Variants in CCDC90B observed in about 807,000 individuals in gnomAD.
CCDC90B encodes the protein coiled-coil domain containing 90B.
In CCDC90B, 24 loss-of-function variants were observed where a neutral mutation model predicts 37.0. The observed-to-expected ratio is 0.65, with a 90% CI of 0.47 to 0.91. The LOEUF (loss-of-function observed/expected upper bound fraction) is 0.91. CCDC90B is among the 40% of genes least tolerant of loss of function. CCDC90B has a pLI of 0.00. For missense variants in CCDC90B, 319 were observed against 299.0 expected, an observed-to-expected ratio of 1.07 and a Z score of -0.49; for synonymous variants, 113 against 101.1, an observed-to-expected ratio of 1.12 and a Z score of -0.71.
intron 7 of CCDC90B, among the ~76,000 whole-genome samples, chr11:83,269,425 G>T (rs976961005): frequency 4.6e-5 from 7 of 151,864 alleles, no homozygotes; most frequent in Non-Finnish European, 1.5e-5. Context: ...GACTAATAAA[G>T]AAGAAAAGAG....
intron 7 of CCDC90B, among the ~76,000 whole-genome samples, chr11:83,272,345 C>T (rs960437955): frequency 5.9e-5 from 9 of 152,088 alleles, no homozygotes; most frequent in Non-Finnish European, 1.3e-4. Flanking sequence ...ACATACTGGG[C>T]ATATTCTAAA....
intron 8 of CCDC90B, 35 bp downstream of exon 8, chr11:83,265,830 T>TA (rs1555004219): frequency 1.2e-5 from 16 of 1,351,238 alleles, no homozygotes; most frequent in Non-Finnish European, 1.6e-5. Context: ...ACAGGAAAAT[T>TA]AGATGACAGC....
chr11:83,273,744 A>C, intron 6 of CCDC90B, 44 bp from the exon 7 acceptor site: 1 of 1,601,336 alleles, frequency 6.2e-7, no homozygotes, highest in Non-Finnish European at 8.5e-7. Context: ...AAAGTCTAAA[A>C]ATAAAAAAGG....
In CCDC90B at chr11:83,286,264, TC is replaced by T; in HGVS notation, c.-293del. The T allele has an allele frequency of 7.1e-7, 1 of 1,404,154 alleles. No homozygotes were observed. The highest frequency in any genetic ancestry group is 9.6e-7 in the Non-Finnish European group (1 of 1,039,086). The allele number at this position is 1,404,154 out of a possible 1,614,324, so 87.0% of individuals were successfully genotyped here. On this transcript the variant is annotated 5_prime_UTR_variant, in exon 1 of 9. It removes the in-frame stop codon of an upstream open reading frame in the 5' UTR. Coordinates refer to ENST00000529689, the MANE Select transcript of CCDC90B (RefSeq NM_021825.5). ...AAAGCGAGATCTTGTCAGAGAACCT[TC>T]CGGCGCCTGTTTCCTGGCAGTGGGG...
At chr11:83,279,050 G>A (rs140245013) in intron 2 of CCDC90B, among the ~76,000 whole-genome samples, 1,656 of 152,176 alleles carry the variant, frequency 0.011, 67 homozygotes, top group Admixed American at 0.061. Context: ...TTGGGAGGCC[G>A]AGGTGGGCAG....
intron 5 of CCDC90B, 41 bp from the exon 6 acceptor site, chr11:83,273,905 C>T (rs766469343): frequency 4.0e-5 from 63 of 1,593,210 alleles, no homozygotes; most frequent in South Asian, 1.3e-4. Flanking sequence ...GATCTTGTAA[C>T]GAATATTTGT....
At chr11:83,282,343 A>G (rs1386847535) in intron 1 of CCDC90B, among the ~76,000 whole-genome samples, 11 of 152,222 alleles carry the variant, frequency 7.2e-5, no homozygotes, top group African/African-American at 2.7e-4. Context: ...GCACCATGGT[A>G]AAGTCAAAAA....
At chr11:83,280,473 C>A (rs1865320029) in intron 1 of CCDC90B, among the ~76,000 whole-genome samples, 1 of 152,178 alleles carries the variant, frequency 6.6e-6, no homozygotes, top group African/African-American at 2.4e-5. Flanking sequence ...ATAAATGTTT[C>A]TTTTCCCTCC....
chr11:83,283,305 G>T (rs914256872), intron 1 of CCDC90B, among the ~76,000 whole-genome samples: 1 of 152,192 alleles, frequency 6.6e-6, no homozygotes, highest in Non-Finnish European at 1.5e-5. Context: ...GATGATGGTA[G>T]AACTATATTA....
intron 8 of CCDC90B, among the ~76,000 whole-genome samples, chr11:83,264,410 A>G (rs1378757807): frequency 6.6e-6 from 1 of 152,244 alleles, no homozygotes; most frequent in Admixed American, 6.5e-5. Flanking sequence ...TACTAATAGT[A>G]AATACACACG....
chr11:83,273,719 C>T lies in CCDC90B; in HGVS notation c.541-19G>A. On this transcript the variant is annotated intron_variant, in intron 6 of 8. Coordinates refer to ENST00000529689, the MANE Select transcript of CCDC90B (RefSeq NM_021825.5). ...CTGTAAACTATAGGATATGAAGCAG[C>T]AGGAAGTTAAAAAAAAAGTCTAAAA... 2 of 1,601,434 alleles carry T rather than the reference C, an allele frequency of 1.2e-6. No individual in the cohort carries two copies. The highest frequency in any genetic ancestry group is 8.5e-7 in the Non-Finnish European group (1 of 1,175,996).
chr11:83,268,498 A>G (rs1864437326), intron 7 of CCDC90B, among the ~76,000 whole-genome samples: 1 of 152,226 alleles, frequency 6.6e-6, no homozygotes, highest in Non-Finnish European at 1.5e-5. Flanking sequence ...ACAAAGATCA[A>G]AAGAGACAAA....
chr11:83,268,997 C>T lies in CCDC90B; in HGVS notation c.595-3018G>A, dbSNP rs996975115. ...GCACAACTACATGGAAACTGAACAA[C>T]CTGCTACTGAATGACTACTGGGTAC... On this transcript the variant is annotated intron_variant, in intron 7 of 8. Coordinates refer to ENST00000529689, the MANE Select transcript of CCDC90B (RefSeq NM_021825.5). Among the ~76,000 whole-genome samples, 6 of 152,190 alleles carry T rather than the reference C, an allele frequency of 3.9e-5. No homozygotes were observed. The South Asian group carries it at 8.3e-4, about 21-fold the overall frequency.
In CCDC90B at chr11:83,261,657, C is replaced by A; in HGVS notation, c.*254G>T. 3.5e-6 allele frequency: 1 copy of A among 286,538 alleles called. No homozygotes were observed. Among genetic ancestry groups the A allele is most frequent in the Non-Finnish European group, 6.5e-6 (1 of 155,022 alleles). 17.7% of individuals were successfully genotyped at this position (286,538 alleles called of 1,614,324 possible). ...CAATTTCTATTAACTATCAAAAGGACAAAATGCTCTTCTATCTCAAACCAG... is the reference window on the plus strand; with the variant it reads ...CAATTTCTATTAACTATCAAAAGGAAAAAATGCTCTTCTATCTCAAACCAG... On this transcript the variant is annotated 3_prime_UTR_variant, in exon 9 of 9. Transcript: ENST00000529689.
Position 83,285,950 on chromosome 11 carries a change from C to A in CCDC90B, c.23G>T (p.Arg8Leu), listed in dbSNP as rs1262244265. The stretch of plus-strand genomic sequence containing the variant: ...TCCTCTGCCTTGGGAGAGAAAGAGC[C>A]GCCAAGCCTGGCGACTATTCATGTC... MNSRQAW[R>L]LFLSQGRGDR... The change falls in exon 1 of 9, where the codon CGG becomes CTG. Residue 8 changes from arginine (R) to leucine (L), a missense_variant. Transcript: ENST00000529689. 2.5e-6 allele frequency: 4 copies of A among 1,612,496 alleles called. No homozygotes were observed. Among genetic ancestry groups the A allele is most frequent in the South Asian group, 2.2e-5 (2 of 90,774 alleles).
At position 83,286,201 on chromosome 11, in the gene CCDC90B, G is replaced by T; in HGVS notation, c.-229C>A. On this transcript the variant is annotated 5_prime_UTR_variant, in exon 1 of 9. Transcript: ENST00000529689. ...TCAGCGCTGCCCCGCTTCTCCCAGC[G>T]CCCCTTCCCGACCTTTGAACGCCTT... is the stretch of plus-strand genomic sequence containing the variant. 6.5e-7 allele frequency: 1 copy of T among 1,532,370 alleles called. No individual in the cohort carries two copies. Among genetic ancestry groups the T allele is most frequent in the Non-Finnish European group, 8.7e-7 (1 of 1,144,136 alleles). The allele number at this position is 1,532,370 out of a possible 1,614,324, so 94.9% of individuals were successfully genotyped here.
chr11:83,265,477 A>G (rs1306777281), intron 8 of CCDC90B, among the ~76,000 whole-genome samples: 6 of 151,858 alleles, frequency 4.0e-5, no homozygotes, highest in South Asian at 2.1e-4. Flanking sequence ...TTGTGTTTAT[A>G]TATTTCTTTT....
rs1034072970 is a variant in CCDC90B at position 83,273,829 on chromosome 11, C to A, written c.504G>T (p.Leu168=). 6.2e-7 allele frequency: 1 copy of A among 1,610,040 alleles called. No individual in the cohort carries two copies. The highest frequency in any genetic ancestry group is 1.7e-5 in the Admixed American group (1 of 59,556). ...ETSRIRADNK[L]DINLERSRVT... The stretch of plus-strand genomic sequence containing the variant: ...CTCTGCTCCTTTCTAAGTTGATATC[C>A]AGTTTATTATCTGCTCTGATTCGAC... Residue 168 remains leucine (L), a synonymous_variant, in exon 6 of 9, where the codon CTG becomes CTT. Coordinates refer to ENST00000529689, the MANE Select transcript of CCDC90B (RefSeq NM_021825.5).
In CCDC90B at chr11:83,260,409, A is replaced by C. The variant is rs1863875136; in HGVS notation, c.*1502T>G. 6.6e-6 allele frequency: 1 copy of C among 152,218 alleles called. No individual in the cohort carries two copies. Among genetic ancestry groups the C allele is most frequent in the South Asian group, 2.1e-4 (1 of 4,832 alleles). 9.4% of individuals were successfully genotyped at this position (152,218 alleles called of 1,614,324 possible). Reference sequence around the variant, plus strand: ...CTTATTAATTGACTCAGTGAAAATTAATCTATAATATACTAAGAACTCTCT... The same window carrying C: ...CTTATTAATTGACTCAGTGAAAATTCATCTATAATATACTAAGAACTCTCT... On this transcript the variant is annotated 3_prime_UTR_variant, in exon 9 of 9. Coordinates refer to ENST00000529689, the MANE Select transcript of CCDC90B (RefSeq NM_021825.5).
Sources: allele counts gnomAD v4.1 joint callset (sites outside exome capture counted in the v4.1 genomes callset), GRCh38; gene constraint gnomAD v4.1.1; transcripts MANE v1.5; gene names NCBI Gene and HGNC (gene_info 2026-07-23, HGNC 2026-07-21).